The following KAZN variants were observed in gnomAD, a reference collection of about 807,000 sequenced individuals.
The protein encoded by KAZN is kazrin.
Under a neutral mutation model 87.4 loss-of-function variants are expected in KAZN, and 40 were observed. That is an observed-to-expected ratio of 0.46 (90% confidence interval 0.36 to 0.60). The LOEUF (loss-of-function observed/expected upper bound fraction) is 0.60, where lower values mean the gene tolerates loss of function less well. Among genes scored for constraint, KAZN ranks in the 20% least tolerant of loss-of-function variants. The pLI is 0.00. For missense variants in KAZN, 898 were observed against 1,073.9 expected, an observed-to-expected ratio of 0.84 and a Z score of 2.29; for synonymous variants, 466 against 458.3, an observed-to-expected ratio of 1.02 and a Z score of -0.22.
intron 2 of KAZN, among the ~76,000 whole-genome samples, chr1:14,287,327 G>T (rs1447951141): frequency 2.0e-5 from 3 of 152,094 alleles, no homozygotes; most frequent in Admixed American, 6.6e-5. Context: ...GTAATCATGT[G>T]ACACTATTCT....
chr1:14,361,007 G>A (rs138936892), intron 2 of KAZN, among the ~76,000 whole-genome samples: 2,036 of 152,346 alleles, frequency 0.013, 14 homozygotes, highest in Middle Eastern at 0.058. Context: ...CCAGCAGGCA[G>A]GAATGTTTAA....
intron 2 of KAZN, among the ~76,000 whole-genome samples, chr1:14,507,497 A>G (rs944257075): frequency 1.3e-5 from 2 of 152,240 alleles, no homozygotes; most frequent in Non-Finnish European, 2.9e-5. Context: ...CCTGTATTCC[A>G]GGAATCAAGT....
At chr1:14,122,961 T>C (rs1159438055) in intron 1 of KAZN, among the ~76,000 whole-genome samples, 1 of 152,208 alleles carries the variant, frequency 6.6e-6, no homozygotes, top group Non-Finnish European at 1.5e-5. Flanking sequence ...AGGGAGTAAC[T>C]TGATAAGCAA....
chr1:14,442,207 A>G (rs952252186), intron 2 of KAZN, among the ~76,000 whole-genome samples: 1 of 152,236 alleles, frequency 6.6e-6, no homozygotes, highest in African/African-American at 2.4e-5. Flanking sequence ...TGAAAATTAC[A>G]AGGTGTTATA....
At chr1:14,688,650 A>G (rs1572228249) in intron 1 of KAZN, among the ~76,000 whole-genome samples, 1 of 152,224 alleles carries the variant, frequency 6.6e-6, no homozygotes, top group East Asian at 1.9e-4. Flanking sequence ...GTTTCTTCTC[A>G]AGGGAGAAGT....
chr1:14,625,277 G>C (rs151083288), intron 1 of KAZN, among the ~76,000 whole-genome samples: 5 of 152,082 alleles, frequency 3.3e-5, no homozygotes, highest in African/African-American at 7.2e-5. Flanking sequence ...AACCAACAAG[G>C]TAATGTAATG....
intron 1 of KAZN, among the ~76,000 whole-genome samples, chr1:14,038,433 A>G (rs779234651): frequency 2.4e-4 from 36 of 152,208 alleles, no homozygotes; most frequent in Non-Finnish European, 4.3e-4. Flanking sequence ...AACATCCTGC[A>G]CATTTAAAGG....
chr1:14,216,065 G>T (rs1484710607), intron 2 of KAZN, among the ~76,000 whole-genome samples: 1 of 152,046 alleles, frequency 6.6e-6, no homozygotes, highest in Non-Finnish European at 1.5e-5. Flanking sequence ...AGAGCAAAAA[G>T]ATAGCAAAAC....
At chr1:14,351,781 C>T in intron 2 of KAZN, among the ~76,000 whole-genome samples, 1 of 152,114 alleles carries the variant, frequency 6.6e-6, no homozygotes, top group Non-Finnish European at 1.5e-5. Flanking sequence ...GCAGCTAGAC[C>T]CCGTATGCAA....
chr1:14,632,032 A>G (rs1465476801), intron 1 of KAZN, among the ~76,000 whole-genome samples: 1 of 152,206 alleles, frequency 6.6e-6, no homozygotes, highest in Non-Finnish European at 1.5e-5. Context: ...TGATTGCCAA[A>G]CTGCTAAGTT....
chr1:14,938,048 G>A lies in KAZN; in HGVS notation c.227-22636G>A, dbSNP rs183829015. On this transcript the variant is annotated intron_variant, in intron 1 of 14. Coordinates refer to ENST00000376030, the MANE Select transcript of KAZN (RefSeq NM_201628.3). ...GAGCTAGGACAGGTACACAGACACA[G>A]GGCTCTGAGTGTGGGGACGTTGGAG... Among the ~76,000 whole-genome samples, 29 of 152,310 alleles carry A rather than the reference G, an allele frequency of 1.9e-4. 1 individual carries two copies. The highest frequency in any genetic ancestry group is 1.6e-3 in the Admixed American group (25 of 15,298).
intron 13 of KAZN, among the ~76,000 whole-genome samples, chr1:15,109,472 T>G (rs1402540692): frequency 6.6e-6 from 1 of 152,148 alleles, no homozygotes; most frequent in Non-Finnish European, 1.5e-5. Flanking sequence ...ATGGAGGGAA[T>G]AGCTGAGCAG....
At chr1:15,028,672 C>T (rs1270798996) in intron 2 of KAZN, among the ~76,000 whole-genome samples, 1 of 152,168 alleles carries the variant, frequency 6.6e-6, no homozygotes, top group Non-Finnish European at 1.5e-5. Flanking sequence ...ACTTGTGGCA[C>T]CTTTGTGTTA....
At chr1:14,080,843 C>T (rs574822176) in intron 1 of KAZN, among the ~76,000 whole-genome samples, 1 of 152,134 alleles carries the variant, frequency 6.6e-6, no homozygotes, top group Admixed American at 6.5e-5. Context: ...GAAGTTTGAC[C>T]CCCCCAGGGA....
intron 2 of KAZN, among the ~76,000 whole-genome samples, chr1:14,337,383 TGGC>T (rs1657344160): frequency 6.6e-6 from 1 of 152,244 alleles, no homozygotes; most frequent in South Asian, 2.1e-4. Flanking sequence ...TTCCTTGACA[TGGC>T]AATAGTTTAC....
At chr1:14,138,178 A>G (rs760183618) in intron 1 of KAZN, among the ~76,000 whole-genome samples, 2 of 152,026 alleles carry the variant, frequency 1.3e-5, no homozygotes, top group Non-Finnish European at 2.9e-5. Context: ...CCAACAAACT[A>G]TATAGAAATG....
intron 2 of KAZN, among the ~76,000 whole-genome samples, chr1:14,571,058 G>C (rs920676054): frequency 1.8e-4 from 27 of 152,098 alleles, no homozygotes; most frequent in African/African-American, 6.5e-4. Flanking sequence ...CGACCTCAAC[G>C]GAATGACCTC....
At chr1:13,945,096 A>G (rs1028125683) in intron 1 of KAZN, among the ~76,000 whole-genome samples, 1 of 152,162 alleles carries the variant, frequency 6.6e-6, no homozygotes, top group Non-Finnish European at 1.5e-5. Flanking sequence ...ACATTACTAG[A>G]TATAAAGAGA....
Position 15,069,799 on chromosome 1 carries a change from C to T in KAZN, c.1222+4046C>T, listed in dbSNP as rs12030112. Among the ~76,000 whole-genome samples the T allele has an allele frequency of 8.3e-3, 1,264 of 152,306 alleles. 27 individuals are homozygous for T. The highest frequency in any genetic ancestry group is 0.072 in the East Asian group (375 of 5,180). ...GAAGGTGCCATTCTCCAGGCTACCA[C>T]GTGAATGGTGTCCTGGTTTTTCAAT... On this transcript the variant is annotated intron_variant, in intron 8 of 14. Coordinates refer to ENST00000376030, the MANE Select transcript of KAZN (RefSeq NM_201628.3).
Sources: allele counts gnomAD v4.1 joint callset (sites outside exome capture counted in the v4.1 genomes callset), GRCh38; gene constraint gnomAD v4.1.1; transcripts MANE v1.5; gene names NCBI Gene and HGNC (gene_info 2026-07-23, HGNC 2026-07-21).